LRRC7: variants seen among roughly 807,000 people sequenced by gnomAD.
The protein encoded by LRRC7 is leucine rich repeat containing 7.
A neutral mutation model predicts 175.7 loss-of-function variants in LRRC7; 23 were observed. The ratio of observed to expected loss-of-function variants is 0.13; its 90% CI spans 0.09 to 0.19. LRRC7 has a LOEUF of 0.19. LRRC7 is among the 10% of genes least tolerant of loss of function. The pLI is 1.00. For synonymous variants in LRRC7, 685 were observed against 680.9 expected (o/e 1.01, Z -0.09); for missense variants, 1,354 against 1,904.7 (o/e 0.71, Z 5.38).
chr1:70,060,259 G>A (rs1423600362), intron 23 of LRRC7, among the ~76,000 whole-genome samples: 3 of 152,070 alleles, frequency 2.0e-5, no homozygotes, highest in African/African-American at 7.2e-5. Flanking sequence ...AGTAAGTGGA[G>A]GTTGCAGTGA....
At chr1:70,058,816 T>C (rs1330412045) in intron 23 of LRRC7, among the ~76,000 whole-genome samples, 1 of 152,202 alleles carries the variant, frequency 6.6e-6, no homozygotes, top group Non-Finnish European at 1.5e-5. Context: ...TGCAAAAACA[T>C]GTTATTTTAA....
intron 1 of LRRC7, among the ~76,000 whole-genome samples, chr1:69,621,498 C>A (rs1029424499): frequency 6.6e-6 from 1 of 152,098 alleles, no homozygotes; most frequent in African/African-American, 2.4e-5. Context: ...ACATCATGTT[C>A]TTGACTCAGA....
intron 1 of LRRC7, among the ~76,000 whole-genome samples, chr1:69,605,756 A>G (rs1647443801): frequency 6.6e-6 from 1 of 152,172 alleles, no homozygotes; most frequent in Non-Finnish European, 1.5e-5. Flanking sequence ...AGAAATAAAC[A>G]TATGCTACAG....
chr1:70,008,182 G>A (rs1347428835), intron 11 of LRRC7, among the ~76,000 whole-genome samples: 1 of 152,172 alleles, frequency 6.6e-6, no homozygotes, highest in Non-Finnish European at 1.5e-5. Flanking sequence ...ACAGGAGAAA[G>A]ATGTAGGCTG....
intron 2 of LRRC7, among the ~76,000 whole-genome samples, chr1:69,699,061 C>T (rs1028645692): frequency 3.9e-5 from 6 of 152,038 alleles, no homozygotes; most frequent in Admixed American, 2.0e-4. Context: ...ACGTGCACAA[C>T]GTGCGGTCTT....
intron 25 of LRRC7, among the ~76,000 whole-genome samples, chr1:70,090,522 A>C (rs558961848): frequency 6.6e-6 from 1 of 152,070 alleles, no homozygotes; most frequent in South Asian, 2.1e-4. Context: ...TTTATTTTTT[A>C]AATGTTTACC....
chr1:69,770,370 T>G (rs1018308536), intron 3 of LRRC7, among the ~76,000 whole-genome samples: 1 of 152,160 alleles, frequency 6.6e-6, no homozygotes, highest in African/African-American at 2.4e-5. Flanking sequence ...TTAAGTAAAA[T>G]TATTTGAAAA....
At chr1:69,576,438 A>G (rs759685529) in intron 1 of LRRC7, among the ~76,000 whole-genome samples, 1 of 152,192 alleles carries the variant, frequency 6.6e-6, no homozygotes, top group Non-Finnish European at 1.5e-5. Context: ...AAGATGTTTT[A>G]TAACCCACCA....
chr1:69,628,308 A>C (rs1022495133), intron 1 of LRRC7, among the ~76,000 whole-genome samples: 6 of 152,190 alleles, frequency 3.9e-5, no homozygotes, highest in Non-Finnish European at 1.5e-5. Flanking sequence ...TCAACACACA[A>C]AAGTCAGTTG....
chr1:69,589,103 C>T (rs1646521785), intron 1 of LRRC7, among the ~76,000 whole-genome samples: 1 of 137,248 alleles, frequency 7.3e-6, no homozygotes, highest in African/African-American at 2.9e-5. Context: ...TGTGTTACCA[C>T]TTCATAAAAA....
chr1:69,792,801 T>C (rs1365276141), intron 4 of LRRC7, among the ~76,000 whole-genome samples: 1 of 152,092 alleles, frequency 6.6e-6, no homozygotes, highest in African/African-American at 2.4e-5. Flanking sequence ...TTTTTGTTGA[T>C]GATGATGCTG....
At position 70,091,530 on chromosome 1, in the gene LRRC7, T is replaced by A. The variant is rs752661326; in HGVS notation, c.4545+1711T>A. The stretch of plus-strand genomic sequence containing the variant: ...TTTTGGAAGGTACAGGGTAAAAAAA[T>A]ATTTTTAAATTAAGGATGAATAGAT... On this transcript the variant is annotated intron_variant, in intron 25 of 26. Coordinates refer to ENST00000651989, the MANE Select transcript of LRRC7 (RefSeq NM_001370785.2). Among the ~76,000 whole-genome samples the A allele has an allele frequency of 2.0e-5, 3 of 152,200 alleles. No individual in the cohort carries two copies. The South Asian group carries it at 6.2e-4, about 31-fold the overall frequency.
chr1:70,036,145 G>A lies in LRRC7; in HGVS notation c.2020G>A (p.Glu674Lys), dbSNP rs867919561. ...VEDSFVHPANEMRIGELHPSL... is the reference protein window; with the variant it reads ...VEDSFVHPANKMRIGELHPSL... ...GGATTCTTTTGTTCATCCAGCTAATGAAATGAGGATTGGGGAACTTCACCC... is the reference window on the plus strand; with the variant it reads ...GGATTCTTTTGTTCATCCAGCTAATAAAATGAGGATTGGGGAACTTCACCC... The change falls in exon 19 of 27, where the codon GAA (glutamate) becomes AAA (lysine). Residue 674 changes from glutamate to lysine, a missense_variant. By Grantham distance (56) the Glu-to-Lys change is moderately conservative. Transcript: ENST00000651989. 6.2e-7 allele frequency: 1 copy of A among 1,612,316 alleles called. No homozygotes were observed. Among genetic ancestry groups the A allele is most frequent in the South Asian group, 1.1e-5 (1 of 90,724 alleles).
At chr1:69,712,148 G>C (rs780472176) in intron 2 of LRRC7, among the ~76,000 whole-genome samples, 1 of 151,944 alleles carries the variant, frequency 6.6e-6, no homozygotes, top group African/African-American at 2.4e-5. Flanking sequence ...TCATAAAGTC[G>C]TTTAAAATAG....
chr1:69,711,244 T>C (rs1431319579), intron 2 of LRRC7, among the ~76,000 whole-genome samples: 1 of 152,214 alleles, frequency 6.6e-6, no homozygotes, highest in Non-Finnish European at 1.5e-5. Context: ...AAACCTGTAA[T>C]TCAATCTAAA....
intron 25 of LRRC7, among the ~76,000 whole-genome samples, chr1:70,095,822 T>G (rs1413840406): frequency 2.0e-5 from 3 of 152,100 alleles, no homozygotes; most frequent in Admixed American, 1.3e-4. Flanking sequence ...AATCAAAATA[T>G]GAAAGCACTT....
intron 1 of LRRC7, among the ~76,000 whole-genome samples, chr1:69,583,592 C>G (rs1646284118): frequency 6.6e-6 from 1 of 152,078 alleles, no homozygotes; most frequent in Admixed American, 6.6e-5. Context: ...GTTTTATGTT[C>G]AAGAATTATT....
At chr1:69,696,420 GCTCATAGGAGT>G (rs1327850131) in intron 2 of LRRC7, among the ~76,000 whole-genome samples, 5 of 152,110 alleles carry the variant, frequency 3.3e-5, no homozygotes, top group African/African-American at 1.2e-4. Context: ...TAATTTACAG[GCTCATAGGAGT>G]CTCAGATGGG....
chr1:69,577,188 C>A (rs1395616473), intron 1 of LRRC7, among the ~76,000 whole-genome samples: 1 of 152,106 alleles, frequency 6.6e-6, no homozygotes, highest in Admixed American at 6.6e-5. Flanking sequence ...ACTACTAGAA[C>A]TGTTATGCAT....
Sources: gnomAD v4.1 joint callset for allele counts (sites outside exome capture counted in the v4.1 genomes callset) on GRCh38, gnomAD v4.1.1 for gene constraint, MANE v1.5 for transcripts, NCBI Gene and HGNC (gene_info 2026-07-23, HGNC 2026-07-21) for gene names.